Variants in EYS observed in about 807,000 individuals in gnomAD.
EYS encodes the protein EGF-like photoreceptor maintenance factor, also known as protein eyes shut homolog.
EYS carries 250 observed loss-of-function variants against 282.1 expected under a neutral mutation model. The ratio of observed to expected loss-of-function variants is 0.89; its 90% CI spans 0.80 to 0.98. The LOEUF (loss-of-function observed/expected upper bound fraction) is 0.98, where lower values mean the gene tolerates loss of function less well. Among genes scored for constraint, EYS ranks in the 50% least tolerant of loss-of-function variants. The probability of loss-of-function intolerance (pLI) is 0.00; values close to 1 mark genes in which losing one functional copy is unlikely to be tolerated. For synonymous variants in EYS, 1,355 were observed against 1,282.9 expected, an observed-to-expected ratio of 1.06 and a Z score of -1.20; for missense variants, 4,016 against 3,709.0, an observed-to-expected ratio of 1.08 and a Z score of -2.15.
At chr6:65,465,629 T>G (rs1185676402) in intron 5 of EYS, among the ~76,000 whole-genome samples, 1 of 152,134 alleles carries the variant, frequency 6.6e-6, no homozygotes, top group Non-Finnish European at 1.5e-5. Context: ...CAATTAGCGT[T>G]GAGATAAATA....
intron 11 of EYS, chr6:65,332,404 T>A (rs567070458): frequency 3.9e-5 from 52 of 1,318,040 alleles, no homozygotes; most frequent in Non-Finnish European, 5.2e-5. Context: ...GGTATCACCG[T>A]GTTGAGGATT....
At chr6:65,679,418 G>A (rs1200918141) in intron 1 of EYS, among the ~76,000 whole-genome samples, 1 of 151,946 alleles carries the variant, frequency 6.6e-6, no homozygotes, top group Non-Finnish European at 1.5e-5. Context: ...AGGACATCAT[G>A]CTAAGTGGAA....
At chr6:64,429,485 G>T (rs930225714) in intron 28 of EYS, among the ~76,000 whole-genome samples, 3 of 152,104 alleles carry the variant, frequency 2.0e-5, no homozygotes, top group African/African-American at 7.2e-5. Context: ...ACAAAAATTA[G>T]CTGGGCATGG....
At chr6:65,376,892 C>G (rs1765388008) in intron 8 of EYS, among the ~76,000 whole-genome samples, 1 of 152,092 alleles carries the variant, frequency 6.6e-6, no homozygotes, top group Non-Finnish European at 1.5e-5. Context: ...TAGAGGCCTA[C>G]AAAGAGACGT....
At chr6:63,750,247 T>C (rs932884785) in intron 41 of EYS, among the ~76,000 whole-genome samples, 2 of 152,252 alleles carry the variant, frequency 1.3e-5, no homozygotes, top group African/African-American at 4.8e-5. Context: ...CTCATATATC[T>C]GCATTCGTTA....
intron 1 of EYS, among the ~76,000 whole-genome samples, chr6:65,683,298 C>T (rs1768898322): frequency 6.6e-6 from 1 of 151,934 alleles, no homozygotes; most frequent in Admixed American, 6.6e-5. Context: ...TTGTCAGTTT[C>T]TGATAAAGGT....
intron 2 of EYS, among the ~76,000 whole-genome samples, chr6:65,612,745 A>G (rs907698385): frequency 1.3e-5 from 2 of 149,038 alleles, no homozygotes; most frequent in Non-Finnish European, 3.0e-5. Context: ...ATTAATCTTT[A>G]TTCTGGTATG....
chr6:65,194,181 T>C (rs1359939397), intron 12 of EYS, among the ~76,000 whole-genome samples: 1 of 151,980 alleles, frequency 6.6e-6, no homozygotes, highest in African/African-American at 2.4e-5. Context: ...AAGATCTCTG[T>C]AGTTCATTTG....
chr6:64,422,077 T>C (rs1156782675), intron 28 of EYS, among the ~76,000 whole-genome samples: 2 of 152,124 alleles, frequency 1.3e-5, no homozygotes. Context: ...AACAAATAAT[T>C]ATCTAGCCCC....
At chr6:63,998,997 G>T in intron 34 of EYS, 78 bp downstream of exon 34, 1 of 864,748 alleles carries the variant, frequency 1.2e-6, no homozygotes, top group Non-Finnish European at 1.9e-6. Flanking sequence ...TATGATTACT[G>T]CTTAGTAACA....
At chr6:63,843,053 T>C (rs551633670) in intron 36 of EYS, among the ~76,000 whole-genome samples, 28 of 152,056 alleles carry the variant, frequency 1.8e-4, no homozygotes, top group Non-Finnish European at 3.5e-4. Context: ...ATGCCTCCAG[T>C]TTTGTTCTTT....
intron 12 of EYS, among the ~76,000 whole-genome samples, chr6:65,284,173 G>A (rs10455573): frequency 0.046 from 7,026 of 152,068 alleles, 222 homozygotes; most frequent in South Asian, 0.089. Context: ...TGTACACTGC[G>A]CAATGCCCTA....
chr6:64,825,526 T>G (rs992839390), intron 19 of EYS, among the ~76,000 whole-genome samples: 2 of 151,854 alleles, frequency 1.3e-5, no homozygotes, highest in African/African-American at 4.8e-5. Flanking sequence ...AGATATCTGT[T>G]ATTTTCTCAG....
At chr6:65,218,152 A>T (rs1230366172) in intron 12 of EYS, among the ~76,000 whole-genome samples, 1 of 152,086 alleles carries the variant, frequency 6.6e-6, no homozygotes, top group African/African-American at 2.4e-5. Context: ...TCCTTTAGTA[A>T]TTAGGTAAAT....
At chr6:64,892,350 T>C (rs1398799366) in intron 18 of EYS, among the ~76,000 whole-genome samples, 1 of 151,922 alleles carries the variant, frequency 6.6e-6, no homozygotes, top group Non-Finnish European at 1.5e-5. Flanking sequence ...CAGAATGTTT[T>C]AATGAGAGTT....
chr6:64,550,307 G>A lies in EYS; in HGVS notation c.5644+39916C>T, dbSNP rs983709463. Among the ~76,000 whole-genome samples the A allele has an allele frequency of 9.2e-5, 14 of 152,194 alleles. No homozygotes were observed. The East Asian group carries it at 1.2e-3, about 13-fold the overall frequency. On this transcript the variant is annotated intron_variant, in intron 26 of 42. Transcript: ENST00000503581. ...TCTACTTCTAGATCCCTGAGGAATC[G>A]CCACTCTGACTTCCATAATGGTTGA...
At chr6:64,007,533 C>T (rs1260541497) in intron 33 of EYS, among the ~76,000 whole-genome samples, 2 of 151,876 alleles carry the variant, frequency 1.3e-5, no homozygotes, top group Admixed American at 1.3e-4. Context: ...CTTCTGCTAG[C>T]TTTGTGGTTG....
intron 31 of EYS, among the ~76,000 whole-genome samples, chr6:64,228,611 ATAT>A (rs1415601064): frequency 1.3e-5 from 2 of 152,300 alleles, no homozygotes; most frequent in Non-Finnish European, 1.5e-5. Flanking sequence ...AGTTTTTAAA[ATAT>A]TATAAATTCA....
chr6:64,497,524 AAGGGC>A (rs1776928003), intron 26 of EYS, among the ~76,000 whole-genome samples: 1 of 152,102 alleles, frequency 6.6e-6, no homozygotes, highest in African/African-American at 2.4e-5. Context: ...GGATTAGCAA[AAGGGC>A]AGGGGACATA....
Sources: allele counts gnomAD v4.1 joint callset (sites outside exome capture counted in the v4.1 genomes callset), GRCh38; gene constraint gnomAD v4.1.1; transcripts MANE v1.5; gene names NCBI Gene and HGNC (gene_info 2026-07-23, HGNC 2026-07-21).